The following YPEL2 variants were observed in gnomAD, a reference collection of about 807,000 sequenced individuals.
The protein encoded by YPEL2 is protein yippee-like 2.
YPEL2 carries 2 observed loss-of-function variants against 19.1 expected under a neutral mutation model. The ratio of observed to expected loss-of-function variants is 0.10; its 90% confidence interval spans 0.04 to 0.33. YPEL2 has a LOEUF of 0.33. Ranked by LOEUF, YPEL2 falls within the 10% of genes least tolerant of loss-of-function variation. The pLI is 1.00. For missense variants in YPEL2, 66 were observed against 140.7 expected (o/e 0.47, Z 2.68); for synonymous variants, 52 against 50.0 (o/e 1.04, Z -0.17).
At chr17:59,331,905 C>G (rs917489354) in intron 1 of YPEL2, 81 bp downstream of exon 1, 20 of 151,430 alleles carry the variant, frequency 1.3e-4, no homozygotes, top group Admixed American at 1.1e-3. Context: ...GGTCCCCGGC[C>G]CCGGCCTCCG....
chr17:59,333,543 T>C (rs964911151), intron 1 of YPEL2, among the ~76,000 whole-genome samples: 1 of 152,230 alleles, frequency 6.6e-6, no homozygotes, highest in Non-Finnish European at 1.5e-5. Context: ...CATACAGGTC[T>C]GTAACTGAAA....
intron 1 of YPEL2, among the ~76,000 whole-genome samples, chr17:59,341,324 G>A (rs532287282): frequency 2.6e-5 from 4 of 151,558 alleles, no homozygotes; most frequent in South Asian, 2.1e-4. Flanking sequence ...CCCGGGAGGC[G>A]GAGCTTGCAA....
chr17:59,395,892 C>A (rs1335751852), intron 4 of YPEL2, among the ~76,000 whole-genome samples: 4 of 152,122 alleles, frequency 2.6e-5, no homozygotes, highest in African/African-American at 9.7e-5. Context: ...TCCTGGCTAA[C>A]ATGGTGAAAC....
At chr17:59,341,153 C>A (rs950878071) in intron 1 of YPEL2, among the ~76,000 whole-genome samples, 3 of 150,042 alleles carry the variant, frequency 2.0e-5, no homozygotes, top group African/African-American at 7.4e-5. Flanking sequence ...GGCGAAACCC[C>A]TGTAATCCCA....
intron 1 of YPEL2, among the ~76,000 whole-genome samples, chr17:59,343,388 C>T (rs2047741233): frequency 1.3e-5 from 2 of 152,014 alleles, no homozygotes; most frequent in Admixed American, 1.3e-4. Context: ...TCTGGAAGGC[C>T]GGACCTTTGA....
intron 4 of YPEL2, among the ~76,000 whole-genome samples, chr17:59,396,542 AAATGAGCGAAGCTCCT>A (rs946051658): frequency 6.6e-6 from 1 of 152,246 alleles, no homozygotes; most frequent in African/African-American, 2.4e-5. Context: ...GCAAAGACTT[AAATGAGCGAAGCTCCT>A]GGAAAATTGT....
chr17:59,341,781 C>A (rs375910898), intron 1 of YPEL2, among the ~76,000 whole-genome samples: 3 of 152,296 alleles, frequency 2.0e-5, no homozygotes, highest in South Asian at 4.1e-4. Flanking sequence ...ACAGGGACTT[C>A]GATTCTTGTT....
At chr17:59,360,828 G>A (rs956217000) in intron 2 of YPEL2, among the ~76,000 whole-genome samples, 5 of 152,042 alleles carry the variant, frequency 3.3e-5, no homozygotes, top group African/African-American at 9.7e-5. Flanking sequence ...GAATTAGGCT[G>A]GGATTTTTTT....
At chr17:59,361,686 G>A (rs2047841507) in intron 2 of YPEL2, among the ~76,000 whole-genome samples, 1 of 152,166 alleles carries the variant, frequency 6.6e-6, no homozygotes, top group African/African-American at 2.4e-5. Context: ...GTCATTCTGT[G>A]GGCATGTATA....
rs543185327 is a variant in YPEL2, at chr17:59,332,562, C to T, written c.-196+738C>T. On this transcript the variant is annotated intron_variant, in intron 1 of 4. Transcript: ENST00000312655. Reference sequence around the variant, plus strand: ...GCCACTTCCAGTTCACCCTGCTTGGCCGCCGACCTCCTCTGGTGTCTTTCC... The same window carrying T: ...GCCACTTCCAGTTCACCCTGCTTGGTCGCCGACCTCCTCTGGTGTCTTTCC... Among the ~76,000 whole-genome samples the T allele has an allele frequency of 2.0e-5, 3 of 152,268 alleles. No homozygotes were observed. In the South Asian group the frequency reaches 6.2e-4, roughly 32 times the overall value.
chr17:59,336,462 G>A (rs1015725238), intron 1 of YPEL2, among the ~76,000 whole-genome samples: 3 of 152,190 alleles, frequency 2.0e-5, no homozygotes, highest in Non-Finnish European at 2.9e-5. Context: ...TATATGTGGG[G>A]CTAAGAGCCT....
rs750335791 is a variant in YPEL2, at chr17:59,389,396, G to A, written c.198G>A (p.Val66=). The change falls in exon 4 of 5, where the codon GTG becomes GTA. Residue 66 remains valine, a synonymous_variant. Coordinates refer to ENST00000312655, the MANE Select transcript of YPEL2 (RefSeq NM_001005404.4). ...GCTGTGGGCCTGCAGAAGAGCGAGT[G>A]TTGCTAACAGGACTGCATGCAGTCG... ...NVGCGPAEER[V]LLTGLHAVAD... is the part of the protein sequence containing the mutation. 5.0e-6 allele frequency: 8 copies of A among 1,614,098 alleles called. No individual in the cohort carries two copies. Among genetic ancestry groups the A allele is most frequent in the Non-Finnish European group, 5.9e-6 (7 of 1,180,028 alleles).
chr17:59,383,694 A>G (rs1185252317), intron 2 of YPEL2, among the ~76,000 whole-genome samples: 1 of 129,784 alleles, frequency 7.7e-6, no homozygotes, highest in Non-Finnish European at 1.6e-5. Context: ...TATAGGGCCT[A>G]AGAGTACCAT....
chr17:59,368,512 C>T (rs2047881661), intron 2 of YPEL2, among the ~76,000 whole-genome samples: 2 of 152,154 alleles, frequency 1.3e-5, no homozygotes, highest in South Asian at 4.1e-4. Flanking sequence ...GGGTAAAGAG[C>T]AGGATGAATG....
chr17:59,349,016 T>C (rs972097552), intron 1 of YPEL2, among the ~76,000 whole-genome samples: 1 of 151,746 alleles, frequency 6.6e-6, no homozygotes, highest in African/African-American at 2.4e-5. Flanking sequence ...CTACTAAAAA[T>C]ACAAAAAGTT....
At chr17:59,383,894 C>A (rs1296146679) in intron 2 of YPEL2, among the ~76,000 whole-genome samples, 1 of 151,640 alleles carries the variant, frequency 6.6e-6, no homozygotes, top group African/African-American at 2.4e-5. Flanking sequence ...ATGGATATAC[C>A]AATCTATTTA....
chr17:59,368,162 C>CTTCACTG (rs1005234079), intron 2 of YPEL2, among the ~76,000 whole-genome samples: 3 of 152,140 alleles, frequency 2.0e-5, no homozygotes, highest in African/African-American at 7.2e-5. Flanking sequence ...CAACTCACTG[C>CTTCACTG]AGCCACAACT....
In YPEL2 at chr17:59,399,527, A is replaced by C. The variant is rs12601869; in HGVS notation, c.*2337A>C. The stretch of plus-strand genomic sequence containing the variant: ...AGGCTCCAGTCAGACCCTGGTTCTG[A>C]ATGTTTTTTTTTTCGGTGACTATCC... On this transcript the variant is annotated 3_prime_UTR_variant, in exon 5 of 5. Coordinates refer to ENST00000312655, the MANE Select transcript of YPEL2 (RefSeq NM_001005404.4). 0.19 allele frequency: 29,386 copies of C among 151,742 alleles called. 3,261 individuals are homozygous for C. The highest frequency in any genetic ancestry group is 0.44 in the East Asian group (2,242 of 5,140). 9.4% of individuals were successfully genotyped at this position (151,742 alleles called of 1,614,324 possible).
At chr17:59,347,050 C>T (rs535060285) in intron 1 of YPEL2, among the ~76,000 whole-genome samples, 13 of 152,130 alleles carry the variant, frequency 8.5e-5, no homozygotes, top group Non-Finnish European at 1.3e-4. Context: ...GAGATGAGTC[C>T]GAAGCTATGC....
Sources: allele counts gnomAD v4.1 joint callset (sites outside exome capture counted in the v4.1 genomes callset), GRCh38; gene constraint gnomAD v4.1.1; transcripts MANE v1.5; gene names NCBI Gene and HGNC (gene_info 2026-07-23, HGNC 2026-07-21).